Variants in LRP1 observed in about 807,000 individuals in gnomAD.
The protein encoded by LRP1 is prolow-density lipoprotein receptor-related protein 1.
In LRP1, 51 loss-of-function variants were observed where a neutral mutation model predicts 541.5. That is an observed-to-expected ratio of 0.09 (90% confidence interval 0.08 to 0.12). LRP1 has a LOEUF of 0.12. LRP1 is among the 10% of genes least tolerant of loss of function. The pLI is 1.00. For missense variants in LRP1, 3,878 were observed against 6,376.2 expected (o/e 0.61, Z 13.34); for synonymous variants, 2,219 against 2,470.8 (o/e 0.90, Z 3.02).
At chr12:57,202,627 G>T (rs111601935) in intron 68 of LRP1, 90 bp downstream of exon 68, 1 of 1,019,634 alleles carries the variant, frequency 9.8e-7, no homozygotes, top group East Asian at 2.7e-5. Flanking sequence ...CGCCAGAGCT[G>T]GTGGCCACCT....
chr12:57,194,152 C>A, intron 48 of LRP1, 140 bp downstream of exon 48: 1 of 993,742 alleles, frequency 1.0e-6, no homozygotes, highest in Non-Finnish European at 1.5e-6. Flanking sequence ...CTCCCTGAGG[C>A]CCTGTCCCCA....
At position 57,173,134 on chromosome 12, in the gene LRP1, C is replaced by T; in HGVS notation, c.3164-34C>T. 1 of 1,560,200 alleles carries T rather than the reference C, an allele frequency of 6.4e-7. No homozygotes were observed. Among genetic ancestry groups the T allele is most frequent in the Non-Finnish European group, 8.7e-7 (1 of 1,149,904 alleles). ...TGAGGAGGGCTGACCTGGGCAACCC[C>T]TCCCTCCTGAGGCCCTCCACTGTCC... On this transcript the variant is annotated intron_variant, in intron 20 of 88. Transcript: ENST00000243077. The surrounding 1 kb of genome is among the most constrained non-coding windows in gnomAD (Gnocchi z 4.7).
chr12:57,183,152 G>C lies in LRP1; in HGVS notation c.5663-227G>C, dbSNP rs891142598. ...ATCCGAGTCTCTGCTGCCCTCTCAT[G>C]GTGGCTAGGGGTCCTGCAGGTGGTT... is the stretch of plus-strand genomic sequence containing the variant. On this transcript the variant is annotated intron_variant, in intron 34 of 88. Transcript: ENST00000243077. This position sits in a 1 kb window ranked among gnomAD's most constrained non-coding sequence, Gnocchi z 6.1. Among the ~76,000 whole-genome samples, 1 of 152,116 alleles carries C rather than the reference G, an allele frequency of 6.6e-6. No homozygotes were observed. Among genetic ancestry groups the C allele is most frequent in the Admixed American group, 6.5e-5 (1 of 15,270 alleles).
Position 57,192,983 on chromosome 12 carries a change from G to A in LRP1, c.7555+13G>A, listed in dbSNP as rs530426716. 428 of 1,610,170 alleles carry A rather than the reference G, an allele frequency of 2.7e-4. No individual in the cohort carries two copies. The African/African-American group carries it at 5.2e-3, about 20-fold the overall frequency. ...CTCACCTGCCGAGGTGAGAGAGGCG[G>A]GGGGGAGGGGCTGGCGGGGAACCCA... On this transcript the variant is annotated intron_variant, in intron 45 of 88. Coordinates refer to ENST00000243077, the MANE Select transcript of LRP1 (RefSeq NM_002332.3).
Position 57,201,452 on chromosome 12 carries a change from T to C in LRP1, c.10346-45T>C, listed in dbSNP as rs754876579. On this transcript the variant is annotated intron_variant, in intron 65 of 88. Coordinates refer to ENST00000243077, the MANE Select transcript of LRP1 (RefSeq NM_002332.3). The surrounding 1 kb of genome is among the most constrained non-coding windows in gnomAD (Gnocchi z 6.4). ...AGAAGACAGTGATGGTGAACTGGAG[T>C]GGCAGGTGTAAGGGAGGGCCCTCAT... 3 of 1,568,578 alleles carry C rather than the reference T, an allele frequency of 1.9e-6. No homozygotes were observed. The East Asian group carries it at 6.8e-5, about 35-fold the overall frequency.
intron 41 of LRP1, among the ~76,000 whole-genome samples, chr12:57,186,538 G>A (rs771702644): frequency 5.3e-5 from 8 of 152,216 alleles, no homozygotes; most frequent in Non-Finnish European, 8.8e-5. Flanking sequence ...CACCGAACTA[G>A]GTGCTACGTA....
At position 57,184,580 on chromosome 12, in the gene LRP1, T is replaced by C; in HGVS notation, c.6186+128T>C. 1.5e-6 allele frequency: 2 copies of C among 1,367,532 alleles called. No homozygotes were observed. Among genetic ancestry groups the C allele is most frequent in the Admixed American group, 4.2e-5 (2 of 47,222 alleles). 84.7% of individuals were successfully genotyped at this position (1,367,532 alleles called of 1,614,324 possible). ...GTCACAGGGTCTCCCAGCCCAGCCC[T>C]CCACCCAGAGTAGGACTCCTGCTAC... On this transcript the variant is annotated intron_variant, in intron 38 of 88. Transcript: ENST00000243077. The surrounding 1 kb of genome is among the most constrained non-coding windows in gnomAD (Gnocchi z 7.8).
Position 57,212,736 on chromosome 12 carries a change from C to A in LRP1, c.*181C>A. On this transcript the variant is annotated 3_prime_UTR_variant, in exon 89 of 89. Coordinates refer to ENST00000243077, the MANE Select transcript of LRP1 (RefSeq NM_002332.3). This position sits in a 1 kb window ranked among gnomAD's most constrained non-coding sequence, Gnocchi z 5.0. The stretch of plus-strand genomic sequence containing the variant: ...GCAAGCGAGCACAGTATTATTTCTC[C>A]ATCCCCTCCCTGCCTGCTCCTTGGC... The A allele has an allele frequency of 1.5e-6, 1 of 653,886 alleles. No individual in the cohort carries two copies. The highest frequency in any genetic ancestry group is 2.5e-6 in the Non-Finnish European group (1 of 400,478). The allele number at this position is 653,886 out of a possible 1,614,324, so 40.5% of individuals were successfully genotyped here.
Position 57,179,716 on chromosome 12 carries a change from C to G in LRP1, c.4967-66C>G. The G allele has an allele frequency of 6.6e-7, 1 of 1,507,948 alleles. No individual in the cohort carries two copies. Among genetic ancestry groups the G allele is most frequent in the Non-Finnish European group, 9.1e-7 (1 of 1,095,188 alleles). 93.4% of individuals were successfully genotyped at this position (1,507,948 alleles called of 1,614,324 possible). On this transcript the variant is annotated intron_variant, in intron 29 of 88. Transcript: ENST00000243077. The surrounding 1 kb of genome is among the most constrained non-coding windows in gnomAD (Gnocchi z 6.8). ...TGATCCCTTTTCTCCAGAAGGCACA[C>G]TGGCTCCCCTCCTGACCCACTGCCC... is the stretch of plus-strand genomic sequence containing the variant.
intron 1 of LRP1, among the ~76,000 whole-genome samples, chr12:57,134,331 C>A (rs1450470565): frequency 6.6e-6 from 1 of 152,212 alleles, no homozygotes; most frequent in African/African-American, 2.4e-5. Flanking sequence ...CTCTGTCTCC[C>A]CTATGCCCTT....
At position 57,201,325 on chromosome 12, in the gene LRP1, G is replaced by A. The variant is rs2036649704; in HGVS notation, c.10345+172G>A. ...TAAAAATCATCATGCATGATATAGA[G>A]ACATAGAGATCCAGAAAACAAAAAG... On this transcript the variant is annotated intron_variant, in intron 65 of 88. Coordinates refer to ENST00000243077, the MANE Select transcript of LRP1 (RefSeq NM_002332.3). The surrounding 1 kb of genome is among the most constrained non-coding windows in gnomAD (Gnocchi z 6.4). Among the ~76,000 whole-genome samples the A allele has an allele frequency of 6.6e-6, 1 of 152,144 alleles. No homozygotes were observed. The highest frequency in any genetic ancestry group is 1.5e-5 in the Non-Finnish European group (1 of 68,020).
chr12:57,136,071 G>T (rs1207822277), intron 1 of LRP1, among the ~76,000 whole-genome samples: 1 of 152,238 alleles, frequency 6.6e-6, no homozygotes, highest in African/African-American at 2.4e-5. Flanking sequence ...CCCTCAGCCG[G>T]CCACGGCTGG....
Position 57,178,754 on chromosome 12 carries a change from C to A in LRP1, c.4607-136C>A. 2 of 1,506,378 alleles carry A rather than the reference C, an allele frequency of 1.3e-6. No individual in the cohort carries two copies. The highest frequency in any genetic ancestry group is 1.3e-5 in the South Asian group (1 of 79,464). The allele number at this position is 1,506,378 out of a possible 1,614,324, so 93.3% of individuals were successfully genotyped here. Reference sequence around the variant, plus strand: ...GGCCGGCTGTTGACAGAGGCACTGTCTAGCAGCAGAGAAGGGTCTAGTAGT... The same window carrying A: ...GGCCGGCTGTTGACAGAGGCACTGTATAGCAGCAGAGAAGGGTCTAGTAGT... On this transcript the variant is annotated intron_variant, in intron 27 of 88. Transcript: ENST00000243077. The surrounding 1 kb of genome is among the most constrained non-coding windows in gnomAD (Gnocchi z 5.8).
In LRP1 at chr12:57,184,993, G is replaced by A; in HGVS notation, c.6338+3G>A. The stretch of plus-strand genomic sequence containing the variant: ...GATTTCATCTACTGGAGTGACAGGT[G>A]AGGGCTTCTGTCCTGGCCTCCTCAG... On this transcript the variant is annotated splice_donor_region_variant and intron_variant, in intron 39 of 88. Coordinates refer to ENST00000243077, the MANE Select transcript of LRP1 (RefSeq NM_002332.3). This position sits in a 1 kb window ranked among gnomAD's most constrained non-coding sequence, Gnocchi z 7.8. The A allele has an allele frequency of 6.2e-7, 1 of 1,614,080 alleles. No homozygotes were observed. The highest frequency in any genetic ancestry group is 8.5e-7 in the Non-Finnish European group (1 of 1,179,958).
chr12:57,145,576 T>G (rs2035389112), intron 6 of LRP1, 86 bp downstream of exon 6: 1 of 1,509,670 alleles, frequency 6.6e-7, no homozygotes, highest in Non-Finnish European at 9.0e-7. Context: ...AGGCCGGGAG[T>G]TACACAGGAT....
At position 57,185,569 on chromosome 12, in the gene LRP1, C is replaced by A; in HGVS notation, c.6502C>A (p.Gln2168Lys). 6.3e-7 allele frequency: 1 copy of A among 1,592,708 alleles called. No homozygotes were observed. Among genetic ancestry groups the A allele is most frequent in the Non-Finnish European group, 8.6e-7 (1 of 1,169,300 alleles). The change falls in exon 41 of 89, where the codon CAG becomes AAG. Residue 2168 changes from glutamine (Q) to lysine (K), a missense_variant. Gln to Lys is a moderately conservative substitution (Grantham distance 53). Around this residue, in one of 13 missense-constraint regions of LRP1, gnomAD observed 1,100 missense variants for 1,827.4 expected, o/e 0.60. Transcript: ENST00000243077. The surrounding 1 kb of genome is among the most constrained non-coding windows in gnomAD (Gnocchi z 4.9). ...VCAVANGGCQ[Q>K]LCLYRGRGQR... ...CGCGGTGGCCAATGGCGGGTGCCAGCAGCTGTGCCTGTACCGGGGCCGTGG... is the reference window on the plus strand; with the variant it reads ...CGCGGTGGCCAATGGCGGGTGCCAGAAGCTGTGCCTGTACCGGGGCCGTGG...
At chr12:57,175,369 G>C (rs1382193946) in intron 22 of LRP1, 91 bp from the exon 23 acceptor site, 1 of 1,505,508 alleles carries the variant, frequency 6.6e-7, no homozygotes, top group East Asian at 2.3e-5. Context: ...CTTGGTCCAG[G>C]CTGCCCAGGA....
chr12:57,210,755 C>A lies in LRP1; in HGVS notation c.12792C>A (p.Gly4264=), dbSNP rs1398612506. The part of the protein sequence containing the change: ...PTCRCPTGFT[G]PKCTQQVCAG... ...GCCGGTGCCCCACGGGCTTCACGGG[C>A]CCCAAATGCACCCAGCAGGTGTGTG... The change falls in exon 83 of 89, where the codon GGC becomes GGA. Residue 4264 remains glycine (G), a synonymous_variant. Coordinates refer to ENST00000243077, the MANE Select transcript of LRP1 (RefSeq NM_002332.3). The A allele has an allele frequency of 6.2e-7, 1 of 1,612,156 alleles. No homozygotes were observed.
intron 44 of LRP1, 121 bp from the exon 45 acceptor site, chr12:57,192,724 C>G: frequency 7.2e-7 from 1 of 1,389,864 alleles, no homozygotes; most frequent in Non-Finnish European, 1.0e-6. Context: ...AGCCGCTGTG[C>G]CTGCCGTGAC....
Sources: allele counts gnomAD v4.1 joint callset (sites outside exome capture counted in the v4.1 genomes callset), GRCh38; gene constraint gnomAD v4.1.1; regional missense constraint gnomAD v4.1.1; non-coding constraint Gnocchi (gnomAD v3.1); transcripts MANE v1.5; gene names NCBI Gene and HGNC (gene_info 2026-07-23, HGNC 2026-07-21).